The following ADCY1 variants were observed in gnomAD, a reference collection of about 807,000 sequenced individuals.
The protein encoded by ADCY1 is adenylate cyclase type 1.
In ADCY1, 28 loss-of-function variants were observed where a neutral mutation model predicts 105.4. That is an observed-to-expected ratio of 0.27 (90% confidence interval 0.20 to 0.36). The LOEUF (loss-of-function observed/expected upper bound fraction) is 0.36, where lower values mean the gene tolerates loss of function less well. ADCY1 is among the 10% of genes least tolerant of loss of function. ADCY1 has a pLI of 1.00. For missense variants in ADCY1, 977 were observed against 1,434.2 expected (o/e 0.68, Z 5.15); for synonymous variants, 655 against 623.8 (o/e 1.05, Z -0.75).
chr7:45,652,183 G>A (rs1401160034), intron 5 of ADCY1, among the ~76,000 whole-genome samples: 1 of 152,162 alleles, frequency 6.6e-6, no homozygotes, highest in Non-Finnish European at 1.5e-5. Flanking sequence ...CATGAGAAAA[G>A]CAAGGGGGAC....
Position 45,721,593 on chromosome 7 carries a change from T to A in ADCY1, c.*7598T>A, listed in dbSNP as rs1336805245. 9 of 398,288 alleles carry A rather than the reference T, an allele frequency of 2.3e-5. No homozygotes were observed. The highest frequency in any genetic ancestry group is 3.1e-5 in the Non-Finnish European group (7 of 226,036). The allele number at this position is 398,288 out of a possible 1,614,324, so 24.7% of individuals were successfully genotyped here. On this transcript the variant is annotated 3_prime_UTR_variant, in exon 20 of 20. Transcript: ENST00000297323. ...TGTGAGCTATGGGAAGGCCATTGGT[T>A]GTATTTGCTACTTTTACTTTCATCT... is the stretch of plus-strand genomic sequence containing the variant.
intron 8 of ADCY1, among the ~76,000 whole-genome samples, chr7:45,670,315 C>T (rs2116159452): frequency 6.6e-6 from 1 of 152,312 alleles, no homozygotes; most frequent in African/African-American, 2.4e-5. Context: ...CTCGTGGATG[C>T]CCGTCACAGC....
chr7:45,721,961 T>C lies in ADCY1; in HGVS notation c.*7966T>C, dbSNP rs557823639. The C allele has an allele frequency of 1.2e-4, 47 of 397,454 alleles. No homozygotes were observed. The highest frequency in any genetic ancestry group is 4.3e-4 in the African/African-American group (21 of 48,720). 24.6% of individuals were successfully genotyped at this position (397,454 alleles called of 1,614,324 possible). A position where few individuals can be genotyped will look rare whatever the true frequency, so the allele number is the denominator to read the frequency against. On this transcript the variant is annotated 3_prime_UTR_variant, in exon 20 of 20. Transcript: ENST00000297323. ...TTAAATCTTGTGGGCTGAATAAATA[T>C]CTCGTGCAGGACTGTGCAACAGTAG...
chr7:45,656,326 A>G (rs970430339), intron 5 of ADCY1, among the ~76,000 whole-genome samples: 9 of 152,188 alleles, frequency 5.9e-5, no homozygotes, highest in African/African-American at 1.9e-4. Flanking sequence ...AGTATATTCA[A>G]AATATGTAAA....
At chr7:45,607,810 A>G (rs931308382) in intron 2 of ADCY1, among the ~76,000 whole-genome samples, 5 of 152,170 alleles carry the variant, frequency 3.3e-5, no homozygotes, top group African/African-American at 9.7e-5. Flanking sequence ...TCCATGGTGT[A>G]TATGTACCAC....
rs1792258429 is a variant in ADCY1, at chr7:45,574,504, A to C, written c.-40A>C. Reference sequence around the variant, plus strand: ...CGCGCCCCGGCGCCCCGGGCCGGCGAGGGGCGCGCCCGCGGCCGCGGCCGC... The same window carrying C: ...CGCGCCCCGGCGCCCCGGGCCGGCGCGGGGCGCGCCCGCGGCCGCGGCCGC... On this transcript the variant is annotated 5_prime_UTR_variant, in exon 1 of 20. Transcript: ENST00000297323. The surrounding 1 kb of genome is among the most constrained non-coding windows in gnomAD (Gnocchi z 7.0). 12 of 943,562 alleles carry C rather than the reference A, an allele frequency of 1.3e-5. No homozygotes were observed. The highest frequency in any genetic ancestry group is 1.3e-4 in the East Asian group (1 of 7,632). 58.4% of individuals were successfully genotyped at this position (943,562 alleles called of 1,614,324 possible). A position where few individuals can be genotyped will look rare whatever the true frequency, so the allele number is the denominator to read the frequency against.
intron 3 of ADCY1, among the ~76,000 whole-genome samples, chr7:45,621,268 G>C (rs1793880215): frequency 1.3e-5 from 2 of 152,100 alleles, no homozygotes; most frequent in African/African-American, 4.8e-5. Context: ...GTTTTTCCAT[G>C]TTGCTCAGGC....
chr7:45,580,124 A>G (rs1792485723), intron 1 of ADCY1, among the ~76,000 whole-genome samples: 1 of 152,178 alleles, frequency 6.6e-6, no homozygotes, highest in Admixed American at 6.5e-5. Context: ...TGAGCAGGAA[A>G]TGAGTCTAGA....
At chr7:45,588,942 C>T (rs575628796) in intron 1 of ADCY1, among the ~76,000 whole-genome samples, 1 of 151,002 alleles carries the variant, frequency 6.6e-6, no homozygotes, top group African/African-American at 2.4e-5. Flanking sequence ...GCATGGTGCT[C>T]CAGGCTCACC....
intron 3 of ADCY1, among the ~76,000 whole-genome samples, chr7:45,612,010 A>G (rs934531761): frequency 2.6e-5 from 4 of 152,188 alleles, no homozygotes; most frequent in Admixed American, 6.5e-5. Context: ...TGGGTCCATC[A>G]GAGTCAGTCA....
At chr7:45,688,426 G>A (rs1287400493) in intron 14 of ADCY1, among the ~76,000 whole-genome samples, 1 of 152,146 alleles carries the variant, frequency 6.6e-6, no homozygotes, top group Non-Finnish European at 1.5e-5. Flanking sequence ...TGGGAGGGAG[G>A]GTTAGAGTAG....
At chr7:45,642,199 C>T (rs1167444965) in intron 4 of ADCY1, among the ~76,000 whole-genome samples, 1 of 152,162 alleles carries the variant, frequency 6.6e-6, no homozygotes, top group East Asian at 1.9e-4. Flanking sequence ...GGCCTTGAGC[C>T]TTCATTGTGG....
chr7:45,580,239 A>G (rs993003335), intron 1 of ADCY1, among the ~76,000 whole-genome samples: 3 of 152,152 alleles, frequency 2.0e-5, no homozygotes, highest in Admixed American at 6.5e-5. Flanking sequence ...CCCCTCCACA[A>G]TGTGCCCAGC....
chr7:45,587,626 G>A (rs1174639405), intron 1 of ADCY1, among the ~76,000 whole-genome samples: 1 of 152,154 alleles, frequency 6.6e-6, no homozygotes, highest in Non-Finnish European at 1.5e-5. Flanking sequence ...CTTTCTCCAA[G>A]GACTATGGGA....
chr7:45,577,322 G>C (rs1366415864), intron 1 of ADCY1, among the ~76,000 whole-genome samples: 1 of 152,228 alleles, frequency 6.6e-6, no homozygotes, highest in Non-Finnish European at 1.5e-5. Context: ...TGTCTATACA[G>C]GTGGTAGTGA....
intron 4 of ADCY1, among the ~76,000 whole-genome samples, chr7:45,640,102 G>A (rs1330584643): frequency 6.6e-6 from 1 of 152,198 alleles, no homozygotes; most frequent in African/African-American, 2.4e-5. Context: ...ACAGTACTGG[G>A]CCTCCTGGTC....
At chr7:45,670,488 A>G (rs541383917) in intron 8 of ADCY1, among the ~76,000 whole-genome samples, 5 of 152,182 alleles carry the variant, frequency 3.3e-5, no homozygotes, top group South Asian at 2.1e-4. Flanking sequence ...ATCCATGTCC[A>G]TTAGCACCAA....
At chr7:45,662,032 C>CTCCTT in intron 7 of ADCY1, 27 bp from the exon 8 acceptor site, 1 of 1,606,146 alleles carries the variant, frequency 6.2e-7, no homozygotes, top group Non-Finnish European at 8.5e-7. Flanking sequence ...CACAGCATTT[C>CTCCTT]TCCTTGCCCC....
At chr7:45,676,202 G>T (rs1442011323) in intron 8 of ADCY1, among the ~76,000 whole-genome samples, 3 of 151,914 alleles carry the variant, frequency 2.0e-5, no homozygotes, top group Non-Finnish European at 4.4e-5. Context: ...TATTTTTCAG[G>T]TCTGTAATTT....
Sources: allele counts gnomAD v4.1 joint callset (sites outside exome capture counted in the v4.1 genomes callset), GRCh38; gene constraint gnomAD v4.1.1; non-coding constraint Gnocchi (gnomAD v3.1); transcripts MANE v1.5; gene names NCBI Gene and HGNC (gene_info 2026-07-23, HGNC 2026-07-21).